The following DNAH8 variants were observed in gnomAD, a reference collection of about 807,000 sequenced individuals.
DNAH8 encodes the protein dynein axonemal heavy chain 8.
DNAH8 carries 382 observed loss-of-function variants against 562.1 expected under a neutral mutation model. The observed-to-expected ratio is 0.68, with a 90% CI of 0.63 to 0.74. The LOEUF (loss-of-function observed/expected upper bound fraction) is 0.74. Among genes scored for constraint, DNAH8 ranks in the 30% least tolerant of loss-of-function variants. The pLI is 0.00. For synonymous variants in DNAH8, 1,881 were observed against 1,919.4 expected (o/e 0.98, Z 0.52); for missense variants, 5,203 against 5,620.4 (o/e 0.93, Z 2.37).
chr6:38,924,510 C>CG (rs1781959538), intron 73 of DNAH8, among the ~76,000 whole-genome samples: 1 of 150,754 alleles, frequency 6.6e-6, no homozygotes, highest in African/African-American at 2.4e-5. Flanking sequence ...ATCCCCCCCC[C>CG]AAAAAAAAGA....
intron 41 of DNAH8, among the ~76,000 whole-genome samples, chr6:38,857,023 CCT>C (rs1192716803): frequency 2.0e-5 from 3 of 152,096 alleles, no homozygotes; most frequent in African/African-American, 7.2e-5. Flanking sequence ...TTTCTGTCTC[CCT>C]CTCTCTTCTA....
At chr6:38,916,866 A>C (rs1781347256) in intron 68 of DNAH8, among the ~76,000 whole-genome samples, 1 of 152,204 alleles carries the variant, frequency 6.6e-6, no homozygotes, top group African/African-American at 2.4e-5. Context: ...TGAAGGCTAA[A>C]GGTGAGGTTT....
intron 33 of DNAH8, among the ~76,000 whole-genome samples, chr6:38,838,551 A>G (rs1397307346): frequency 1.3e-5 from 2 of 151,930 alleles, no homozygotes; most frequent in Non-Finnish European, 2.9e-5. Context: ...GGCTCCTACC[A>G]CCATGGCCGG....
At chr6:38,992,112 T>C (rs1764833202) in intron 88 of DNAH8, among the ~76,000 whole-genome samples, 1 of 152,050 alleles carries the variant, frequency 6.6e-6, no homozygotes, top group Non-Finnish European at 1.5e-5. Context: ...ATTACAGGCA[T>C]GCACCACCAC....
intron 85 of DNAH8, among the ~76,000 whole-genome samples, chr6:38,976,887 G>A (rs1355485971): frequency 1.3e-5 from 2 of 152,148 alleles, no homozygotes; most frequent in Non-Finnish European, 2.9e-5. Flanking sequence ...TTAGGCACAG[G>A]ATCTGAAGCT....
At chr6:38,974,807 C>T (rs375334800) in intron 85 of DNAH8, among the ~76,000 whole-genome samples, 8 of 152,270 alleles carry the variant, frequency 5.3e-5, no homozygotes, top group South Asian at 2.1e-4. Flanking sequence ...CACAACAGCA[C>T]GCAGGGGATT....
At chr6:38,929,481 C>T (rs749280925) in intron 74 of DNAH8, 30 bp from the exon 75 acceptor site, 19 of 1,587,058 alleles carry the variant, frequency 1.2e-5, no homozygotes, top group Non-Finnish European at 1.6e-5. Context: ...CTTTGTAACA[C>T]AGATAGACCA....
At chr6:38,981,594 G>T (rs779140343) in intron 85 of DNAH8, among the ~76,000 whole-genome samples, 1 of 152,170 alleles carries the variant, frequency 6.6e-6, no homozygotes, top group Non-Finnish European at 1.5e-5. Flanking sequence ...GATTGCAAAG[G>T]GAAGCCATCA....
intron 64 of DNAH8, among the ~76,000 whole-genome samples, chr6:38,909,122 T>C (rs1333611419): frequency 6.6e-6 from 1 of 152,146 alleles, no homozygotes; most frequent in Non-Finnish European, 1.5e-5. Context: ...CGTGTAAAGT[T>C]TTTCAGATAT....
At chr6:38,721,636 G>C (rs764264705) in intron 1 of DNAH8, among the ~76,000 whole-genome samples, 2 of 152,202 alleles carry the variant, frequency 1.3e-5, no homozygotes, top group Non-Finnish European at 2.9e-5. Context: ...CAGTGGGTGG[G>C]TAAACTGGTT....
At chr6:39,015,132 G>A (rs1056928034) in intron 91 of DNAH8, among the ~76,000 whole-genome samples, 15 of 152,144 alleles carry the variant, frequency 9.9e-5, no homozygotes, top group African/African-American at 2.2e-4. Flanking sequence ...TGGGAGAGGC[G>A]TAAGGACCAA....
At position 38,896,137 on chromosome 6, in the gene DNAH8, A is replaced by T; in HGVS notation, c.8852A>T (p.Tyr2951Phe). 6.2e-7 allele frequency: 1 copy of T among 1,613,780 alleles called. No individual in the cohort carries two copies. The highest frequency in any genetic ancestry group is 8.5e-7 in the Non-Finnish European group (1 of 1,179,912). ...GCGTCGTGTATTCTTCCTGAACCAT[A>T]CTTTGTGGATTTTCTTCGTGAGATG... ...DAASCILPEP[Y>F]FVDFLREMPE... The change falls in exon 60 of 93, where the codon TAC becomes TTC. Residue 2951 changes from tyrosine to phenylalanine, a missense_variant. Around this residue, in one of 6 missense-constraint regions of DNAH8, gnomAD observed 977 missense variants for 1,061.8 expected, o/e 0.92. Coordinates refer to ENST00000327475, the MANE Select transcript of DNAH8 (RefSeq NM_001206927.2).
intron 11 of DNAH8, chr6:38,763,294 C>A: frequency 1.3e-5 from 3 of 238,854 alleles, no homozygotes; most frequent in South Asian, 1.1e-4. Flanking sequence ...AGTTTCTAAA[C>A]CTGGTGTTAT....
rs775422657 is a variant in DNAH8 at position 38,860,528 on chromosome 6, T to C, written c.6030T>C (p.Asp2010=). Residue 2010 remains aspartate (D), a synonymous_variant, in exon 43 of 93, where the codon GAT becomes GAC. Coordinates refer to ENST00000327475, the MANE Select transcript of DNAH8 (RefSeq NM_001206927.2). ...LKQSRFYFKE[D]LDQTVVSITD... is the part of the protein sequence containing the mutation. ...AGAGTAGATTTTATTTTAAGGAAGA[T>C]TTGGATCAAACTGTGGTGTCTATTA... 2 of 1,512,514 alleles carry C rather than the reference T, an allele frequency of 1.3e-6. No homozygotes were observed. Among genetic ancestry groups the C allele is most frequent in the African/African-American group, 2.9e-5 (2 of 69,880 alleles). The allele number at this position is 1,512,514 out of a possible 1,614,324, so 93.7% of individuals were successfully genotyped here.
In DNAH8 at chr6:39,030,645, C is replaced by A; in HGVS notation, c.*253C>A. On this transcript the variant is annotated 3_prime_UTR_variant, in exon 93 of 93. Coordinates refer to ENST00000327475, the MANE Select transcript of DNAH8 (RefSeq NM_001206927.2). ...TATAATTACTTTTTAAAGATAAAAC[C>A]CTGTTTGGATGTTAGAACACTTTGG... 2.5e-6 allele frequency: 1 copy of A among 397,344 alleles called. No individual in the cohort carries two copies. Among genetic ancestry groups the A allele is most frequent in the Non-Finnish European group, 4.5e-6 (1 of 221,334 alleles). 24.6% of individuals were successfully genotyped at this position (397,344 alleles called of 1,614,324 possible).
intron 15 of DNAH8, among the ~76,000 whole-genome samples, chr6:38,780,802 TAACA>T (rs368370882): frequency 3.0e-4 from 46 of 152,102 alleles, no homozygotes; most frequent in South Asian, 1.7e-3. Context: ...TTTACCTATA[TAACA>T]AACAAACAAA....
chr6:39,000,547 C>T (rs1000702130), intron 88 of DNAH8, among the ~76,000 whole-genome samples: 3 of 152,106 alleles, frequency 2.0e-5, no homozygotes, highest in African/African-American at 4.8e-5. Context: ...CCGTGAACTG[C>T]GCATGCCAGG....
chr6:38,941,441 C>T (rs1783448383), intron 79 of DNAH8, among the ~76,000 whole-genome samples: 1 of 152,178 alleles, frequency 6.6e-6, no homozygotes, highest in Non-Finnish European at 1.5e-5. Flanking sequence ...GTGCCTTTTT[C>T]ATGAACACAG....
chr6:38,801,361 C>T (rs935088257), intron 21 of DNAH8, among the ~76,000 whole-genome samples: 7 of 152,198 alleles, frequency 4.6e-5, no homozygotes, highest in Admixed American at 3.9e-4. Flanking sequence ...ATGACATTCT[C>T]CCATTTGTTT....
Sources: allele counts gnomAD v4.1 joint callset (sites outside exome capture counted in the v4.1 genomes callset), GRCh38; gene constraint gnomAD v4.1.1; regional missense constraint gnomAD v4.1.1; transcripts MANE v1.5; gene names NCBI Gene and HGNC (gene_info 2026-07-23, HGNC 2026-07-21).